CEP170B: variants seen among roughly 807,000 people sequenced by gnomAD.
CEP170B encodes the protein centrosomal protein 170B, also known as centrosomal protein of 170 kDa protein B.
In CEP170B, 55 loss-of-function variants were observed where a neutral mutation model predicts 120.6. The ratio of observed to expected loss-of-function variants is 0.46; its 90% confidence interval spans 0.37 to 0.57. The LOEUF is 0.57. Ranked by LOEUF, CEP170B falls within the 20% of genes least tolerant of loss-of-function variation. The probability of loss-of-function intolerance (pLI) is 0.00; values close to 1 mark genes in which losing one functional copy is unlikely to be tolerated. For synonymous variants in CEP170B, 1,033 were observed against 954.5 expected (o/e 1.08, Z -1.52); for missense variants, 2,212 against 2,253.3 (o/e 0.98, Z 0.37).
chr14:104,884,031 C>T lies in CEP170B; in HGVS notation c.1252C>T (p.Arg418Cys), dbSNP rs372246157. The change falls in exon 9 of 19, where the codon CGC becomes TGC. Residue 418 changes from arginine (R) to cysteine (C), a missense_variant. Around this residue, in one of 2 missense-constraint regions of CEP170B, gnomAD observed 2,166 missense variants for 2,166.7 expected, o/e 1.00. Transcript: ENST00000414716. Reference sequence around the variant, plus strand: ...CGACGAGGACACACCCCGAAAGAAGCGCTCCCAGTCCTTCACGCACAGCCC... The same window carrying T: ...CGACGAGGACACACCCCGAAAGAAGTGCTCCCAGTCCTTCACGCACAGCCC... ...FFDEDTPRKK[R>C]SQSFTHSPSG... is the part of the protein sequence containing the mutation. 32 of 1,610,488 alleles carry T rather than the reference C, an allele frequency of 2.0e-5. No individual in the cohort carries two copies. The highest frequency in any genetic ancestry group is 1.5e-4 in the South Asian group (14 of 90,750).
intron 6 of CEP170B, among the ~76,000 whole-genome samples, chr14:104,881,390 G>C (rs1896148666): frequency 1.3e-5 from 2 of 152,152 alleles, no homozygotes. Context: ...TCCAGGAGGG[G>C]TCACCCTGCC....
Position 104,867,936 on chromosome 14 carries a change from T to C in CEP170B, c.-27-488T>C, listed in dbSNP as rs890603370. 6.6e-6 allele frequency among the ~76,000 whole-genome samples: 1 copy of C among 151,906 alleles called. No homozygotes were observed. The highest frequency in any genetic ancestry group is 2.4e-5 in the African/African-American group (1 of 41,338). ...CCCTGCCTGGGGCTCAGTCTCAGAG[T>C]GTCCTGCTGGGGGGAGTGGGTCCTC... On this transcript the variant is annotated intron_variant, in intron 1 of 18. Coordinates refer to ENST00000414716, the MANE Select transcript of CEP170B (RefSeq NM_001112726.3). This position sits in a 1 kb window ranked among gnomAD's most constrained non-coding sequence, Gnocchi z 5.4.
chr14:104,887,497 G>C lies in CEP170B; in HGVS notation c.3258G>C (p.Pro1086=), dbSNP rs756383925. Residue 1086 remains proline (P), a synonymous_variant, in exon 12 of 19, where the codon CCG becomes CCC. Coordinates refer to ENST00000414716, the MANE Select transcript of CEP170B (RefSeq NM_001112726.3). ...LGSRRKPAAP[P]PSPAAREEQS... ...CTCGCCGGAAACCAGCGGCCCCACCGCCATCCCCAGCTGCCCGGGAGGAGC... is the reference window on the plus strand; with the variant it reads ...CTCGCCGGAAACCAGCGGCCCCACCCCCATCCCCAGCTGCCCGGGAGGAGC... 5.6e-6 allele frequency: 9 copies of C among 1,611,758 alleles called. No homozygotes were observed. The highest frequency in any genetic ancestry group is 6.8e-6 in the Non-Finnish European group (8 of 1,179,604).
chr14:104,886,589 C>T lies in CEP170B; in HGVS notation c.2350C>T (p.Arg784Cys), dbSNP rs752951191. Residue 784 changes from arginine to cysteine, a missense_variant, in exon 12 of 19, where the codon CGC (arginine) becomes TGC (cysteine). This residue lies in a region of CEP170B where 2,166 missense variants were observed against 2,166.7 expected (regional missense o/e 1.00). Transcript: ENST00000414716. The part of the protein sequence containing the change: ...QEGPTWSRGR[R>C]SPRAPGEPTP... The stretch of plus-strand genomic sequence containing the variant: ...GGGGCCCACGTGGAGCAGGGGTCGG[C>T]GCTCACCAAGGGCCCCCGGGGAGCC... 109 of 1,515,646 alleles carry T rather than the reference C, an allele frequency of 7.2e-5. No homozygotes were observed. The highest frequency in any genetic ancestry group is 9.2e-5 in the Non-Finnish European group (104 of 1,135,474). The allele number at this position is 1,515,646 out of a possible 1,614,324, so 93.9% of individuals were successfully genotyped here.
intron 2 of CEP170B, among the ~76,000 whole-genome samples, chr14:104,871,747 G>A (rs1409027745): frequency 2.0e-5 from 3 of 152,234 alleles, no homozygotes; most frequent in Non-Finnish European, 4.4e-5. Flanking sequence ...GTGAGGAGGG[G>A]GAGGCTGTGG....
rs1896349810 is a variant in CEP170B at position 104,884,556 on chromosome 14, C to T, written c.1770+7C>T. The T allele has an allele frequency of 6.5e-7, 1 of 1,549,470 alleles. No individual in the cohort carries two copies. The highest frequency in any genetic ancestry group is 8.7e-7 in the Non-Finnish European group (1 of 1,146,718). On this transcript the variant is annotated splice_region_variant and intron_variant, in intron 9 of 18. Coordinates refer to ENST00000414716, the MANE Select transcript of CEP170B (RefSeq NM_001112726.3). ...CCGGAAGATGATCGACCAGGTGCAG[C>T]CCAGCGGCGAGTGAGAGCCCTCGTG... is the stretch of plus-strand genomic sequence containing the variant.
Position 104,868,627 on chromosome 14 carries a change from C to G in CEP170B, c.105+72C>G. 1 of 1,395,168 alleles carries G rather than the reference C, an allele frequency of 7.2e-7. No individual in the cohort carries two copies. Among genetic ancestry groups the G allele is most frequent in the Non-Finnish European group, 9.7e-7 (1 of 1,026,530 alleles). The allele number at this position is 1,395,168 out of a possible 1,614,324, so 86.4% of individuals were successfully genotyped here. ...TGTCCCTGTGGAGGCCAGGAAGGTGCCCACCCCACTTGCTGCAGGCCACCC... is the reference window on the plus strand; with the variant it reads ...TGTCCCTGTGGAGGCCAGGAAGGTGGCCACCCCACTTGCTGCAGGCCACCC... On this transcript the variant is annotated intron_variant, in intron 2 of 18. Coordinates refer to ENST00000414716, the MANE Select transcript of CEP170B (RefSeq NM_001112726.3). The surrounding 1 kb of genome is among the most constrained non-coding windows in gnomAD (Gnocchi z 5.9).
Position 104,883,902 on chromosome 14 carries a change from G to A in CEP170B, c.1123G>A (p.Val375Met), listed in dbSNP as rs1217529028. The A allele has an allele frequency of 5.0e-6, 8 of 1,591,282 alleles. No individual in the cohort carries two copies. The African/African-American group carries it at 8.0e-5, about 16-fold the overall frequency. ...GGCCAAGGCGGCCTCGGCCGCTGGG[G>A]TGCCCTTGGAGGCCAGCGGGGAGCA... ...PLAKAASAAG[V>M]PLEASGEQVR... Residue 375 changes from valine to methionine, a missense_variant, in exon 9 of 19, where the codon GTG (valine) becomes ATG (methionine). By Grantham distance (21) the Val-to-Met change is conservative. Transcript: ENST00000414716.
At position 104,883,270 on chromosome 14, in the gene CEP170B, C is replaced by A. The variant is rs7147858; in HGVS notation, c.813C>A (p.Ile271=). The A allele has an allele frequency of 3.1e-6, 5 of 1,611,730 alleles. No homozygotes were observed. The highest frequency in any genetic ancestry group is 3.4e-6 in the Non-Finnish European group (4 of 1,179,646). The change falls in exon 8 of 19, where the codon ATC becomes ATA. Residue 271 remains isoleucine, a synonymous_variant. Transcript: ENST00000414716. Reference sequence around the variant, plus strand: ...TGCAGAGCCACGCCTCCTTCACCATCGAGTTTGATGACTGCAGCCCTGGCA... The same window carrying A: ...TGCAGAGCCACGCCTCCTTCACCATAGAGTTTGATGACTGCAGCCCTGGCA... The part of the protein sequence containing the change: ...PVVQSHASFT[I]EFDDCSPGKM...
chr14:104,872,309 GCGTGTGTGC>G (rs1895563953), intron 2 of CEP170B, among the ~76,000 whole-genome samples: 2 of 41,152 alleles, frequency 4.9e-5, no homozygotes, highest in South Asian at 7.9e-4. Flanking sequence ...CCATGGGTGT[GCGTGTGTGC>G]CGTGGGTGTG....
chr14:104,894,096 C>T (rs535363742), intron 16 of CEP170B, 189 bp from the exon 17 acceptor site: 264 of 656,436 alleles, frequency 4.0e-4, no homozygotes, highest in Non-Finnish European at 6.5e-4. Context: ...GCCCAGCCCT[C>T]CCCACCGCCG....
rs530061493 is a variant in CEP170B at position 104,880,486 on chromosome 14, G to A, written c.472+61G>A. ...GGGCCACTGCCAGGCCCTCTGCCCC[G>A]CACCTGCCTCTCTGCACCCCTTAAC... On this transcript the variant is annotated intron_variant, in intron 6 of 18. Transcript: ENST00000414716. 131 of 1,577,720 alleles carry A rather than the reference G, an allele frequency of 8.3e-5. 1 individual carries two copies. The highest frequency in any genetic ancestry group is 2.2e-4 in the African/African-American group (16 of 74,418).
rs1716572401 is a variant in CEP170B, at chr14:104,894,527, A to G, written c.4366-10A>G. 3 of 1,610,484 alleles carry G rather than the reference A, an allele frequency of 1.9e-6. No homozygotes were observed. Among genetic ancestry groups the G allele is most frequent in the African/African-American group, 1.3e-5 (1 of 74,852 alleles). On this transcript the variant is annotated splice_polypyrimidine_tract_variant and intron_variant, in intron 17 of 18. Transcript: ENST00000414716. Reference sequence around the variant, plus strand: ...AGTTGACTCCACCTCCCTTCCTGCCACGTTTCCAGGAAATCAGCTCCATCC... The same window carrying G: ...AGTTGACTCCACCTCCCTTCCTGCCGCGTTTCCAGGAAATCAGCTCCATCC...
intron 4 of CEP170B, 32 bp downstream of exon 4, chr14:104,877,995 GCTT>G (rs1206729001): frequency 4.5e-6 from 7 of 1,563,622 alleles, no homozygotes; most frequent in Non-Finnish European, 6.1e-6. Flanking sequence ...CTCCTCCTGG[GCTT>G]CTTCTCAGTC....
chr14:104,869,814 A>C (rs1171926420), intron 2 of CEP170B, among the ~76,000 whole-genome samples: 1 of 152,166 alleles, frequency 6.6e-6, no homozygotes, highest in Non-Finnish European at 1.5e-5. Flanking sequence ...CGGCGCCTAG[A>C]TCTCGGGCTT....
At chr14:104,889,089 G>A (rs960429337) in intron 12 of CEP170B, among the ~76,000 whole-genome samples, 1 of 152,212 alleles carries the variant, frequency 6.6e-6, no homozygotes, top group African/African-American at 2.4e-5. Flanking sequence ...GCAGCAGGGA[G>A]GGACTGCAGT....
rs905721678 is a variant in CEP170B, at chr14:104,870,931, C to T, written c.105+2376C>T. 2.0e-5 allele frequency among the ~76,000 whole-genome samples: 3 copies of T among 152,120 alleles called. No individual in the cohort carries two copies. The highest frequency in any genetic ancestry group is 2.0e-4 in the Admixed American group (3 of 15,284). On this transcript the variant is annotated intron_variant, in intron 2 of 18. Transcript: ENST00000414716. This position sits in a 1 kb window ranked among gnomAD's most constrained non-coding sequence, Gnocchi z 4.1. Reference sequence around the variant, plus strand: ...TGCCCCTGCAGCGGCCTCCTACCTGCCCACCGCTGCCCCCTGCCGGCCTCT... The same window carrying T: ...TGCCCCTGCAGCGGCCTCCTACCTGTCCACCGCTGCCCCCTGCCGGCCTCT...
In CEP170B at chr14:104,883,910, G is replaced by C; in HGVS notation, c.1131G>C (p.Leu377Phe). The change falls in exon 9 of 19, where the codon TTG becomes TTC. Residue 377 changes from leucine (L) to phenylalanine (F), a missense_variant. By Grantham distance (22) the Leu-to-Phe change is conservative. Coordinates refer to ENST00000414716, the MANE Select transcript of CEP170B (RefSeq NM_001112726.3). ...AKAASAAGVPLEASGEQVRLQ... is the reference protein window; with the variant it reads ...AKAASAAGVPFEASGEQVRLQ... ...CGGCCTCGGCCGCTGGGGTGCCCTT[G>C]GAGGCCAGCGGGGAGCAGGTGCGGC... is the stretch of plus-strand genomic sequence containing the variant. The C allele has an allele frequency of 6.3e-7, 1 of 1,593,642 alleles. No individual in the cohort carries two copies. The highest frequency in any genetic ancestry group is 8.5e-7 in the Non-Finnish European group (1 of 1,170,560).
rs879115407 is a variant in CEP170B, at chr14:104,896,116, C to G, written c.*1158C>G. The G allele has an allele frequency of 3.0e-5, 5 of 164,504 alleles. No individual in the cohort carries two copies. In the East Asian group the frequency reaches 5.3e-4, roughly 17 times the overall value. The allele number at this position is 164,504 out of a possible 1,614,324, so 10.2% of individuals were successfully genotyped here. On this transcript the variant is annotated 3_prime_UTR_variant, in exon 19 of 19. Coordinates refer to ENST00000414716, the MANE Select transcript of CEP170B (RefSeq NM_001112726.3). ...TGGACGTGGGGGTGTCCCACCTGGA[C>G]CAGACTGGCGTGGGTGAGCTCCACA... is the stretch of plus-strand genomic sequence containing the variant.
Sources: allele counts gnomAD v4.1 joint callset (sites outside exome capture counted in the v4.1 genomes callset), GRCh38; gene constraint gnomAD v4.1.1; regional missense constraint gnomAD v4.1.1; non-coding constraint Gnocchi (gnomAD v3.1); transcripts MANE v1.5; gene names NCBI Gene and HGNC (gene_info 2026-07-23, HGNC 2026-07-21).